The following ATRNL1 variants were observed in gnomAD, a reference collection of about 807,000 sequenced individuals.
The protein encoded by ATRNL1 is attractin like 1, also known as attractin-like protein 1.
A neutral mutation model predicts 182.7 loss-of-function variants in ATRNL1; 95 were observed. That is an observed-to-expected ratio of 0.52 (90% confidence interval 0.44 to 0.62). ATRNL1 has a LOEUF of 0.62. Ranked by LOEUF, ATRNL1 falls within the 20% of genes least tolerant of loss-of-function variation. The pLI is 0.00. For missense variants in ATRNL1, 1,471 were observed against 1,679.5 expected, an observed-to-expected ratio of 0.88 and a Z score of 2.17; for synonymous variants, 576 against 568.3, an observed-to-expected ratio of 1.01 and a Z score of -0.19.
In ATRNL1 at chr10:115,233,943, G is replaced by A. The variant is rs1218335295; in HGVS notation, c.1533-7628G>A. On this transcript the variant is annotated intron_variant, in intron 9 of 28. Coordinates refer to ENST00000355044, the MANE Select transcript of ATRNL1 (RefSeq NM_207303.4). ...TGTGAGATTTGCACATGTTTTTTTT[G>A]AGATATTCATGTCAGCTCTTTGGTG... is the stretch of plus-strand genomic sequence containing the variant. Among the ~76,000 whole-genome samples, 3 of 150,852 alleles carry A rather than the reference G, an allele frequency of 2.0e-5. No individual in the cohort carries two copies. In the East Asian group the frequency reaches 5.8e-4, roughly 29 times the overall value.
chr10:115,351,523 G>T (rs1554941317), intron 19 of ATRNL1, among the ~76,000 whole-genome samples: 4 of 151,706 alleles, frequency 2.6e-5, no homozygotes, highest in African/African-American at 4.8e-5. Flanking sequence ...CCTTTATTTT[G>T]TTATATGTTA....
chr10:115,579,311 GCTGT>G lies in ATRNL1; in HGVS notation c.3795+29778_3795+29781del, dbSNP rs560493878. Among the ~76,000 whole-genome samples the G allele has an allele frequency of 7.4e-3, 1,115 of 151,684 alleles. 4 individuals are homozygous for G. Among genetic ancestry groups the G allele is most frequent in the Non-Finnish European group, 0.011 (767 of 67,664 alleles). ...AGTATCAAAGTTCTCTATCATTATT[GCTGT>G]CTATTTCTCTCTTTAGTTGTTAATG... is the stretch of plus-strand genomic sequence containing the variant. On this transcript the variant is annotated intron_variant, in intron 26 of 28. Coordinates refer to ENST00000355044, the MANE Select transcript of ATRNL1 (RefSeq NM_207303.4).
chr10:115,367,221 T>G, intron 19 of ATRNL1, among the ~76,000 whole-genome samples: 1 of 107,372 alleles, frequency 9.3e-6, no homozygotes, highest in African/African-American at 3.4e-5. Context: ...CTCATTTCTT[T>G]TTATTCTTTT....
intron 20 of ATRNL1, among the ~76,000 whole-genome samples, chr10:115,412,601 A>G (rs147099826): frequency 4.6e-5 from 7 of 152,346 alleles, no homozygotes; most frequent in East Asian, 1.9e-4. Context: ...ACAACTCTAC[A>G]TTAGATATTT....
rs1221719771 is a variant in ATRNL1, at chr10:115,832,003, G to A, written c.3904-15874G>A. ...ATAGTCTTCTTCTGAAGTGATCTCA[G>A]AAAATATGGAGCTATTTACAGGATT... On this transcript the variant is annotated intron_variant, in intron 27 of 28. Coordinates refer to ENST00000355044, the MANE Select transcript of ATRNL1 (RefSeq NM_207303.4). 2.0e-5 allele frequency among the ~76,000 whole-genome samples: 3 copies of A among 152,170 alleles called. No individual in the cohort carries two copies. The South Asian group carries it at 6.2e-4, about 32-fold the overall frequency.
At position 115,947,251 on chromosome 10, in the gene ATRNL1, GCT is replaced by G. The variant is rs1354656253; in HGVS notation, c.*2473_*2474del. 7 of 152,508 alleles carry G rather than the reference GCT, an allele frequency of 4.6e-5. No homozygotes were observed. The highest frequency in any genetic ancestry group is 1.7e-4 in the African/African-American group (7 of 41,404). The allele number at this position is 152,508 out of a possible 1,614,324, so 9.4% of individuals were successfully genotyped here. A position where few individuals can be genotyped will look rare whatever the true frequency, so the allele number is the denominator to read the frequency against. Reference sequence around the variant, plus strand: ...CATTCCAGACACTTTAAATTTGGATGCTTTCATTTTTTTTAAATCAAACCACA... The same window carrying G: ...CATTCCAGACACTTTAAATTTGGATGTTCATTTTTTTTAAATCAAACCACA... On this transcript the variant is annotated 3_prime_UTR_variant, in exon 29 of 29. Transcript: ENST00000355044.
chr10:115,415,049 C>T (rs1420206544), intron 20 of ATRNL1, among the ~76,000 whole-genome samples: 1 of 151,948 alleles, frequency 6.6e-6, no homozygotes, highest in African/African-American at 2.4e-5. Flanking sequence ...TTCTTAAGAG[C>T]AAATTCCTTT....
At chr10:115,331,047 A>G (rs1199873300) in intron 18 of ATRNL1, among the ~76,000 whole-genome samples, 3 of 128,198 alleles carry the variant, frequency 2.3e-5, no homozygotes, top group African/African-American at 8.8e-5. Flanking sequence ...TCATTCTGCT[A>G]TTGATGCCCT....
chr10:115,852,812 C>T (rs948011381), intron 28 of ATRNL1, among the ~76,000 whole-genome samples: 3 of 152,170 alleles, frequency 2.0e-5, no homozygotes, highest in Admixed American at 1.3e-4. Context: ...TTATCTTTGC[C>T]GGTGACTTCA....
At chr10:115,680,660 A>G (rs368540864) in intron 26 of ATRNL1, among the ~76,000 whole-genome samples, 16 of 152,330 alleles carry the variant, frequency 1.1e-4, no homozygotes, top group East Asian at 5.8e-4. Context: ...AGACTAGACC[A>G]GATAAACAAA....
intron 27 of ATRNL1, among the ~76,000 whole-genome samples, chr10:115,738,518 A>G (rs1948048934): frequency 6.6e-6 from 1 of 152,102 alleles, no homozygotes. Flanking sequence ...TGAAGTGAGG[A>G]AAGATCTAGT....
intron 26 of ATRNL1, among the ~76,000 whole-genome samples, chr10:115,573,256 A>G (rs1555004023): frequency 6.6e-6 from 1 of 151,994 alleles, no homozygotes; most frequent in East Asian, 1.9e-4. Flanking sequence ...CTTCGTCTGG[A>G]GTTGGGCCAC....
intron 8 of ATRNL1, among the ~76,000 whole-genome samples, chr10:115,213,545 A>G (rs1325828994): frequency 6.6e-6 from 1 of 152,140 alleles, no homozygotes; most frequent in Non-Finnish European, 1.5e-5. Flanking sequence ...CACATTCTCC[A>G]GTCCCTAGCC....
At chr10:115,845,044 GATATTTGCC>G (rs1555098356) in intron 27 of ATRNL1, among the ~76,000 whole-genome samples, 1 of 152,012 alleles carries the variant, frequency 6.6e-6, no homozygotes, top group Non-Finnish European at 1.5e-5. Flanking sequence ...TATTGAAAGT[GATATTTGCC>G]ACATACTCTT....
intron 28 of ATRNL1, among the ~76,000 whole-genome samples, chr10:115,944,181 T>C (rs544578653): frequency 1.3e-5 from 2 of 150,642 alleles, no homozygotes; most frequent in Non-Finnish European, 3.0e-5. Context: ...ATGTAAATTA[T>C]GGACTTCAGT....
chr10:115,464,230 C>T (rs1847946683), intron 22 of ATRNL1, among the ~76,000 whole-genome samples: 1 of 151,840 alleles, frequency 6.6e-6, no homozygotes. Context: ...GATATATTCA[C>T]CTGGGAATAA....
At chr10:115,587,275 G>A (rs1190018803) in intron 26 of ATRNL1, among the ~76,000 whole-genome samples, 3 of 152,144 alleles carry the variant, frequency 2.0e-5, no homozygotes, top group Non-Finnish European at 4.4e-5. Context: ...GCTGTGGTGG[G>A]CTCCACCCAG....
At chr10:115,760,173 C>CA (rs35906523) in intron 27 of ATRNL1, among the ~76,000 whole-genome samples, 77,296 of 148,818 alleles carry the variant, frequency 0.52, 20,373 homozygotes, top group East Asian at 0.75. Context: ...CTCCCCTTTC[C>CA]AAAAAAAAAG....
At chr10:115,499,082 A>C (rs115435721) in intron 24 of ATRNL1, among the ~76,000 whole-genome samples, 1 of 152,144 alleles carries the variant, frequency 6.6e-6, no homozygotes, top group East Asian at 1.9e-4. Flanking sequence ...AAATCTGAGA[A>C]TCTTCAAGAA....
Sources: allele counts gnomAD v4.1 joint callset (sites outside exome capture counted in the v4.1 genomes callset), GRCh38; gene constraint gnomAD v4.1.1; transcripts MANE v1.5; gene names NCBI Gene and HGNC (gene_info 2026-07-23, HGNC 2026-07-21).